The following UST variants were observed in gnomAD, a reference collection of about 807,000 sequenced individuals.
The protein encoded by UST is uronyl 2-sulfotransferase.
Under a neutral mutation model 45.6 loss-of-function variants are expected in UST, and 21 were observed. That is an observed-to-expected ratio of 0.46 (90% CI 0.33 to 0.66). The LOEUF (loss-of-function observed/expected upper bound fraction) is 0.66. Among genes scored for constraint, UST ranks in the 30% least tolerant of loss-of-function variants. The probability of loss-of-function intolerance (pLI) is 0.02; values close to 1 mark genes in which losing one functional copy is unlikely to be tolerated. For synonymous variants in UST, 215 were observed against 200.6 expected, an observed-to-expected ratio of 1.07 and a Z score of -0.61; for missense variants, 463 against 512.4, an observed-to-expected ratio of 0.90 and a Z score of 0.93.
intron 1 of UST, among the ~76,000 whole-genome samples, chr6:148,763,150 T>C (rs1776252403): frequency 6.6e-6 from 1 of 152,188 alleles, no homozygotes; most frequent in Admixed American, 6.5e-5. Context: ...TTTCTCCCCA[T>C]CCTTGCCAAC....
At chr6:149,027,784 TG>T (rs777358309) in intron 7 of UST, 3 of 151,654 alleles carry the variant, frequency 2.0e-5, no homozygotes, top group Non-Finnish European at 4.4e-5. Flanking sequence ...CACACACCTG[TG>T]GAGAAGACAG....
At chr6:149,067,830 T>C (rs1423788959) in intron 7 of UST, among the ~76,000 whole-genome samples, 2 of 152,344 alleles carry the variant, frequency 1.3e-5, no homozygotes, top group South Asian at 4.1e-4. Flanking sequence ...CAGAAGTCTG[T>C]CGTTTTCCGA....
At chr6:149,069,072 T>C (rs1776783491) in intron 7 of UST, among the ~76,000 whole-genome samples, 1 of 152,242 alleles carries the variant, frequency 6.6e-6, no homozygotes. Context: ...ATGACATGAT[T>C]TCTTTCTTTT....
intron 5 of UST, among the ~76,000 whole-genome samples, chr6:148,988,567 C>T (rs1208734637): frequency 9.7e-6 from 1 of 103,090 alleles, no homozygotes; most frequent in Non-Finnish European, 1.9e-5. Context: ...GAGAAAGACC[C>T]TGTCTCAAAA....
At chr6:148,965,876 CTT>C (rs56202168) in intron 5 of UST, among the ~76,000 whole-genome samples, 6,838 of 126,006 alleles carry the variant, frequency 0.054, 269 homozygotes, top group African/African-American at 0.18. Context: ...TGGCTTTTCC[CTT>C]TTTTTTTTTT....
chr6:148,946,388 G>A (rs1013692399), intron 3 of UST, among the ~76,000 whole-genome samples: 1 of 151,570 alleles, frequency 6.6e-6, no homozygotes, highest in African/African-American at 2.4e-5. Context: ...GTGCACGCCT[G>A]TAATCCCAGC....
chr6:149,017,797 T>TACACAC (rs1327763227), intron 5 of UST, among the ~76,000 whole-genome samples: 1,539 of 59,412 alleles, frequency 0.026, 21 homozygotes, highest in African/African-American at 0.094. Flanking sequence ...AATATCCATA[T>TACACAC]ATACACACAC....
At chr6:148,995,361 C>T (rs1227340708) in intron 5 of UST, among the ~76,000 whole-genome samples, 3 of 152,188 alleles carry the variant, frequency 2.0e-5, no homozygotes, top group Admixed American at 1.3e-4. Context: ...AAACCTGATG[C>T]TCAAAAAGAT....
intron 1 of UST, among the ~76,000 whole-genome samples, chr6:148,796,575 G>C (rs910280802): frequency 1.5e-5 from 2 of 130,046 alleles, no homozygotes; most frequent in Non-Finnish European, 1.5e-5. Flanking sequence ...AGTGAGCCGA[G>C]ATTGTGCCAT....
intron 5 of UST, among the ~76,000 whole-genome samples, chr6:148,965,616 G>C (rs765447416): frequency 1.3e-4 from 20 of 152,202 alleles, no homozygotes; most frequent in Non-Finnish European, 2.9e-4. Flanking sequence ...GGAAGTGGAT[G>C]TTCAGAGGCT....
chr6:148,943,786 T>C (rs938679012), intron 3 of UST, among the ~76,000 whole-genome samples: 6 of 152,214 alleles, frequency 3.9e-5, no homozygotes, highest in Non-Finnish European at 7.4e-5. Context: ...CATAACTTCA[T>C]TATTCCAGAT....
intron 2 of UST, among the ~76,000 whole-genome samples, chr6:148,936,677 T>C (rs1780033176): frequency 6.7e-6 from 1 of 150,014 alleles, no homozygotes; most frequent in South Asian, 2.1e-4. Flanking sequence ...AACAAATCTA[T>C]CTTATTTTCT....
intron 1 of UST, among the ~76,000 whole-genome samples, chr6:148,854,752 A>G (rs1425788663): frequency 2.0e-5 from 3 of 152,196 alleles, no homozygotes; most frequent in South Asian, 4.1e-4. Context: ...GGTGTAATAC[A>G]CAAAACTTGG....
intron 5 of UST, among the ~76,000 whole-genome samples, chr6:149,003,014 A>G (rs1341495132): frequency 6.6e-6 from 1 of 152,236 alleles, no homozygotes; most frequent in African/African-American, 2.4e-5. Context: ...GCCTTAATTC[A>G]TAATGTAATT....
intron 7 of UST, among the ~76,000 whole-genome samples, chr6:149,043,692 C>T (rs1221697414): frequency 6.6e-6 from 1 of 152,272 alleles, no homozygotes; most frequent in Non-Finnish European, 1.5e-5. Flanking sequence ...GGCCCTGAGG[C>T]CGGCCATCTT....
intron 1 of UST, among the ~76,000 whole-genome samples, chr6:148,784,507 G>A (rs1051368489): frequency 8.5e-5 from 13 of 152,202 alleles, no homozygotes; most frequent in African/African-American, 3.1e-4. Context: ...TCTCCCAAAA[G>A]GGAAGCTATA....
At chr6:148,905,522 A>C (rs964542679) in intron 2 of UST, among the ~76,000 whole-genome samples, 3 of 152,234 alleles carry the variant, frequency 2.0e-5, no homozygotes, top group African/African-American at 7.2e-5. Flanking sequence ...GGTGAGACCT[A>C]GACTCCCCAT....
At chr6:148,973,776 G>A (rs1427985518) in intron 5 of UST, among the ~76,000 whole-genome samples, 1 of 152,138 alleles carries the variant, frequency 6.6e-6, no homozygotes, top group Non-Finnish European at 1.5e-5. Context: ...CTCCAAACGT[G>A]TTCTTCAAAA....
chr6:148,796,575 G>A (rs910280802), intron 1 of UST, among the ~76,000 whole-genome samples: 2 of 130,046 alleles, frequency 1.5e-5, no homozygotes, highest in East Asian at 5.8e-4. Context: ...AGTGAGCCGA[G>A]ATTGTGCCAT....
Sources: gnomAD v4.1 joint callset for allele counts (sites outside exome capture counted in the v4.1 genomes callset) on GRCh38, gnomAD v4.1.1 for gene constraint, MANE v1.5 for transcripts, NCBI Gene and HGNC (gene_info 2026-07-23, HGNC 2026-07-21) for gene names.